Variants in SASH1 observed in about 807,000 individuals in gnomAD.
SASH1 encodes SAM and SH3 domain-containing protein 1.
Under a neutral mutation model 125.2 loss-of-function variants are expected in SASH1, and 44 were observed. The observed-to-expected ratio is 0.35, with a 90% CI of 0.28 to 0.45. The LOEUF (loss-of-function observed/expected upper bound fraction) is 0.45, where lower values mean the gene tolerates loss of function less well. Ranked by LOEUF, SASH1 falls within the 20% of genes least tolerant of loss-of-function variation. The pLI is 1.00. For synonymous variants in SASH1, 639 were observed against 649.1 expected (o/e 0.98, Z 0.24); for missense variants, 1,426 against 1,614.5 (o/e 0.88, Z 2.00).
chr6:148,211,909 G>A, the SASH1 span, among the ~76,000 whole-genome samples: 2 of 152,198 alleles, frequency 1.3e-5, no homozygotes, highest in Non-Finnish European at 2.9e-5. Context: ...CTCTAGAATA[G>A]GGAAGAGAAG....
Position 148,529,681 on chromosome 6 carries a change from TG to T in SASH1, c.1429-1844del, listed in dbSNP as rs1343201603. On this transcript the variant is annotated intron_variant, in intron 12 of 19. Coordinates refer to ENST00000367467, the MANE Select transcript of SASH1 (RefSeq NM_015278.5). The surrounding 1 kb of genome is among the most constrained non-coding windows in gnomAD (Gnocchi z 4.2). Reference sequence around the variant, plus strand: ...ATTTTACTACCATATAGCAATCTTATGTGCTTAGTTCTGTTTTTTTAAAGCA... The same window carrying T: ...ATTTTACTACCATATAGCAATCTTATTGCTTAGTTCTGTTTTTTTAAAGCA... Among the ~76,000 whole-genome samples the T allele has an allele frequency of 3.3e-5, 5 of 152,252 alleles. No homozygotes were observed. The highest frequency in any genetic ancestry group is 7.3e-5 in the Non-Finnish European group (5 of 68,044).
chr6:148,265,785 G>A, the SASH1 span, among the ~76,000 whole-genome samples: 1 of 152,092 alleles, frequency 6.6e-6, no homozygotes, highest in Non-Finnish European at 1.5e-5. Context: ...AACTACTGCT[G>A]TCTCTGGAAA....
intron 6 of SASH1, among the ~76,000 whole-genome samples, chr6:148,471,876 G>A (rs1778134616): frequency 6.6e-6 from 1 of 152,112 alleles, no homozygotes; most frequent in Admixed American, 6.5e-5. Flanking sequence ...TCTCCTGTCC[G>A]CGTTCCCACT....
chr6:148,419,708 C>G (rs986274472), intron 2 of SASH1, among the ~76,000 whole-genome samples: 4 of 152,106 alleles, frequency 2.6e-5, no homozygotes, highest in African/African-American at 9.7e-5. Flanking sequence ...TTGTACTCTT[C>G]TGAGTTTTTG....
intron 2 of SASH1, among the ~76,000 whole-genome samples, chr6:148,419,240 G>A (rs1362782472): frequency 6.6e-6 from 1 of 152,224 alleles, no homozygotes; most frequent in African/African-American, 2.4e-5. Context: ...TTTAAAATCT[G>A]TACTGGGATG....
intron 1 of SASH1, among the ~76,000 whole-genome samples, chr6:148,343,847 G>T (rs1293057534): frequency 6.6e-6 from 1 of 152,178 alleles, no homozygotes; most frequent in Non-Finnish European, 1.5e-5. Context: ...CTGTATGGAG[G>T]GTGAAGTTTT....
At chr6:148,292,772 C>T (rs538412262) in intron 1 of SASH1, among the ~76,000 whole-genome samples, 3 of 152,196 alleles carry the variant, frequency 2.0e-5, no homozygotes, top group East Asian at 1.9e-4. Context: ...GAATCAGGGC[C>T]GGGAACAGTG....
At chr6:148,484,021 A>C (rs938001356) in intron 7 of SASH1, among the ~76,000 whole-genome samples, 2 of 152,168 alleles carry the variant, frequency 1.3e-5, no homozygotes, top group Non-Finnish European at 2.9e-5. Flanking sequence ...TAAAGAGTAC[A>C]TATTTCGGAT....
chr6:148,496,506 A>G (rs1301113197), intron 8 of SASH1, among the ~76,000 whole-genome samples: 1 of 152,286 alleles, frequency 6.6e-6, no homozygotes, highest in East Asian at 1.9e-4. Context: ...TCCTTGGGAT[A>G]GGTATCAGCA....
chr6:148,370,842 C>CA lies in SASH1; in HGVS notation c.157-19285dup, dbSNP rs574818463. 5.3e-5 allele frequency among the ~76,000 whole-genome samples: 8 copies of CA among 151,424 alleles called. No homozygotes were observed. The South Asian group carries it at 1.7e-3, about 32-fold the overall frequency. On this transcript the variant is annotated intron_variant, in intron 1 of 19. Coordinates refer to ENST00000367467, the MANE Select transcript of SASH1 (RefSeq NM_015278.5). ...TGTCTCAAAAAAACAAAAGACAAAA[C>CA]AAAAAAACCCTACAAAAATATATTC...
the SASH1 span, among the ~76,000 whole-genome samples, chr6:148,202,817 G>A: frequency 6.6e-6 from 1 of 152,138 alleles, no homozygotes; most frequent in African/African-American, 2.4e-5. Flanking sequence ...AGGCAGGCAT[G>A]GTGGCATGTG....
chr6:148,364,861 G>T (rs1156512399), intron 1 of SASH1, among the ~76,000 whole-genome samples: 2 of 152,166 alleles, frequency 1.3e-5, no homozygotes, highest in Non-Finnish European at 2.9e-5. Flanking sequence ...AGTGCTTCAT[G>T]CCTGTAATCT....
At chr6:148,224,287 C>T in the SASH1 span, among the ~76,000 whole-genome samples, 11,073 of 150,776 alleles carry the variant, frequency 0.073, 479 homozygotes, top group Middle Eastern at 0.11. Context: ...CTCCAAGCAA[C>T]AAAAAAAAGT....
At position 148,544,646 on chromosome 6, in the gene SASH1, C is replaced by T. The variant is rs761671851; in HGVS notation, c.3176C>T (p.Pro1059Leu). 6 of 1,613,380 alleles carry T rather than the reference C, an allele frequency of 3.7e-6. No homozygotes were observed. The African/African-American group carries it at 5.3e-5, about 14-fold the overall frequency. ...PGSPPSTRPP[P>L]WLSELPENTS... Reference sequence around the variant, plus strand: ...AGCCCACCAAGCACAAGGCCGCCCCCCTGGCTCTCAGAGCTCCCCGAGAAC... The same window carrying T: ...AGCCCACCAAGCACAAGGCCGCCCCTCTGGCTCTCAGAGCTCCCCGAGAAC... Residue 1059 changes from proline (P) to leucine (L), a missense_variant, in exon 18 of 20, where the codon CCC becomes CTC. Pro to Leu is a moderately conservative substitution (Grantham distance 98). Around this residue, in one of 3 missense-constraint regions of SASH1, gnomAD observed 634 missense variants for 694.4 expected, o/e 0.91. Coordinates refer to ENST00000367467, the MANE Select transcript of SASH1 (RefSeq NM_015278.5). This position sits in a 1 kb window ranked among gnomAD's most constrained non-coding sequence, Gnocchi z 6.4.
At chr6:148,229,148 A>AAC in the SASH1 span, among the ~76,000 whole-genome samples, 7 of 151,158 alleles carry the variant, frequency 4.6e-5, no homozygotes, top group South Asian at 2.1e-4. Context: ...AAAAAAAAAA[A>AAC]AAAAAAAAAC....
chr6:148,292,190 GA>G (rs1779652665), intron 1 of SASH1, among the ~76,000 whole-genome samples: 1 of 152,198 alleles, frequency 6.6e-6, no homozygotes, highest in Non-Finnish European at 1.5e-5. Flanking sequence ...GCAGCTGGGA[GA>G]AATAGTTTAG....
chr6:148,326,238 G>A (rs1383418407), intron 1 of SASH1, among the ~76,000 whole-genome samples: 1 of 141,890 alleles, frequency 7.0e-6, no homozygotes, highest in African/African-American at 2.6e-5. Context: ...ATGCCGACAA[G>A]GCTGGTCTCG....
intron 11 of SASH1, among the ~76,000 whole-genome samples, chr6:148,526,046 CTTT>C (rs34023266): frequency 0.027 from 1,474 of 54,048 alleles, 34 homozygotes; most frequent in African/African-American, 0.061. Flanking sequence ...GAAGGTGAGT[CTTT>C]TTTTTTTTTT....
intron 4 of SASH1, among the ~76,000 whole-genome samples, chr6:148,448,698 T>C (rs992121913): frequency 6.6e-5 from 10 of 152,176 alleles, no homozygotes; most frequent in East Asian, 5.8e-4. Flanking sequence ...TAGGTACTCA[T>C]TGTAGATTTA....
Sources: gnomAD v4.1 joint callset for allele counts (sites outside exome capture counted in the v4.1 genomes callset) on GRCh38, gnomAD v4.1.1 for gene constraint, gnomAD v4.1.1 regional missense constraint, Gnocchi (gnomAD v3.1) non-coding constraint, MANE v1.5 for transcripts, NCBI Gene and HGNC (gene_info 2026-07-23, HGNC 2026-07-21) for gene names.